Variants in OPCML observed in about 807,000 individuals in gnomAD.
OPCML encodes the protein opioid-binding protein/cell adhesion molecule.
Under a neutral mutation model 37.8 loss-of-function variants are expected in OPCML, and 13 were observed. The observed-to-expected ratio is 0.34, with a 90% CI of 0.22 to 0.55. The LOEUF (loss-of-function observed/expected upper bound fraction) is 0.55, where lower values mean the gene tolerates loss of function less well. Among genes scored for constraint, OPCML ranks in the 20% least tolerant of loss-of-function variants. The pLI, the probability that OPCML is intolerant of heterozygous loss-of-function variation, is 0.91. For missense variants in OPCML, 341 were observed against 435.6 expected (o/e 0.78, Z 1.93); for synonymous variants, 176 against 168.8 (o/e 1.04, Z -0.33).
chr11:133,313,037 C>T (rs1441977462), intron 1 of OPCML, among the ~76,000 whole-genome samples: 1 of 152,134 alleles, frequency 6.6e-6, no homozygotes, highest in African/African-American at 2.4e-5. Flanking sequence ...TAGTGACTTC[C>T]GTGCATGGAC....
chr11:132,584,334 G>A (rs945541002), intron 3 of OPCML, among the ~76,000 whole-genome samples: 24 of 152,058 alleles, frequency 1.6e-4, no homozygotes, highest in Admixed American at 1.4e-3. Context: ...TAGATACAGG[G>A]AAGCCAATCT....
At chr11:132,610,856 A>T (rs777537936) in intron 3 of OPCML, among the ~76,000 whole-genome samples, 16 of 152,160 alleles carry the variant, frequency 1.1e-4, no homozygotes, top group Admixed American at 2.0e-4. Flanking sequence ...AAGCAGTTTG[A>T]TCACTTTGTA....
chr11:132,480,384 T>C (rs2137011946), intron 4 of OPCML, among the ~76,000 whole-genome samples: 1 of 152,332 alleles, frequency 6.6e-6, no homozygotes, highest in South Asian at 2.1e-4. Context: ...AGACCAAATC[T>C]ACGTCTGATT....
intron 4 of OPCML, among the ~76,000 whole-genome samples, chr11:132,489,535 C>A (rs561413493): frequency 3.9e-5 from 6 of 152,256 alleles, no homozygotes; most frequent in East Asian, 3.9e-4. Flanking sequence ...TTGGGCTATA[C>A]CAGTGTCACC....
intron 1 of OPCML, among the ~76,000 whole-genome samples, chr11:133,444,850 A>G (rs1946440135): frequency 6.6e-6 from 1 of 151,648 alleles, no homozygotes; most frequent in Non-Finnish European, 1.5e-5. Context: ...GTGGATGGAG[A>G]CCACCATACC....
intron 2 of OPCML, among the ~76,000 whole-genome samples, chr11:132,920,510 G>A (rs780960393): frequency 1.1e-4 from 17 of 152,158 alleles, no homozygotes; most frequent in Non-Finnish European, 2.5e-4. Context: ...GTCTTGGATC[G>A]CAGCCCCCCT....
intron 1 of OPCML, among the ~76,000 whole-genome samples, chr11:133,182,641 C>T (rs186437501): frequency 6.6e-6 from 1 of 152,262 alleles, no homozygotes; most frequent in East Asian, 1.9e-4. Context: ...CCAACAGTGG[C>T]AATGTCACCT....
intron 1 of OPCML, among the ~76,000 whole-genome samples, chr11:133,372,746 C>T (rs1386648713): frequency 6.6e-6 from 1 of 152,194 alleles, no homozygotes; most frequent in African/African-American, 2.4e-5. Flanking sequence ...TCCCTAAAAG[C>T]TAAATGCCCT....
intron 1 of OPCML, among the ~76,000 whole-genome samples, chr11:133,056,264 T>C (rs1226270848): frequency 6.6e-6 from 1 of 152,190 alleles, no homozygotes; most frequent in Admixed American, 6.5e-5. Context: ...TGTAATTTCA[T>C]AAACTACTGT....
intron 2 of OPCML, among the ~76,000 whole-genome samples, chr11:132,701,762 TTGTGTG>T (rs34453558): frequency 0.022 from 3,173 of 142,704 alleles, 95 homozygotes; most frequent in African/African-American, 0.068. Flanking sequence ...AATTTGATGA[TTGTGTG>T]TGTGTGTGTG....
intron 2 of OPCML, among the ~76,000 whole-genome samples, chr11:132,841,432 G>A (rs528368247): frequency 6.6e-6 from 1 of 152,248 alleles, no homozygotes; most frequent in Non-Finnish European, 1.5e-5. Context: ...GGCCAGGCCT[G>A]CCAAGGCCCA....
chr11:133,077,800 T>G (rs924050159), intron 1 of OPCML, among the ~76,000 whole-genome samples: 5 of 152,108 alleles, frequency 3.3e-5, no homozygotes, highest in African/African-American at 1.2e-4. Flanking sequence ...ACAGACAATT[T>G]AAACATACAA....
At chr11:132,564,618 C>G (rs1344636315) in intron 3 of OPCML, among the ~76,000 whole-genome samples, 1 of 151,932 alleles carries the variant, frequency 6.6e-6, no homozygotes, top group Non-Finnish European at 1.5e-5. Flanking sequence ...GTGTGACAGG[C>G]GCTTAGAAAG....
chr11:133,148,991 G>A (rs1030089888), intron 1 of OPCML, among the ~76,000 whole-genome samples: 1 of 152,142 alleles, frequency 6.6e-6, no homozygotes, highest in African/African-American at 2.4e-5. Flanking sequence ...AGGTAGAGGA[G>A]GAGAGTGGAG....
intron 3 of OPCML, among the ~76,000 whole-genome samples, chr11:132,574,339 A>C (rs2096445483): frequency 6.7e-6 from 1 of 148,580 alleles, no homozygotes; most frequent in Non-Finnish European, 1.5e-5. Context: ...CTAGAGGTGT[A>C]AAATTAAATT....
At chr11:133,486,343 A>G (rs1947525260) in intron 1 of OPCML, among the ~76,000 whole-genome samples, 1 of 152,186 alleles carries the variant, frequency 6.6e-6, no homozygotes, top group Non-Finnish European at 1.5e-5. Context: ...ACTCTGGTGA[A>G]GGTCACCAAT....
At chr11:132,765,093 C>T (rs1946391750) in intron 2 of OPCML, among the ~76,000 whole-genome samples, 1 of 152,144 alleles carries the variant, frequency 6.6e-6, no homozygotes, top group African/African-American at 2.4e-5. Context: ...CAAGAAAGGC[C>T]ACAGGATCTA....
chr11:133,435,888 A>G (rs1946223343), intron 1 of OPCML, among the ~76,000 whole-genome samples: 1 of 152,216 alleles, frequency 6.6e-6, no homozygotes, highest in South Asian at 2.1e-4. Context: ...GCTCTGGCAA[A>G]GGTGTAAGAG....
At chr11:133,203,965 G>T (rs1477904473) in intron 1 of OPCML, among the ~76,000 whole-genome samples, 5 of 149,442 alleles carry the variant, frequency 3.3e-5, no homozygotes, top group Non-Finnish European at 5.9e-5. Flanking sequence ...GGCTGAGGCA[G>T]GAGAATGGCA....
Sources: gnomAD v4.1 joint callset for allele counts (sites outside exome capture counted in the v4.1 genomes callset) on GRCh38, gnomAD v4.1.1 for gene constraint, MANE v1.5 for transcripts, NCBI Gene and HGNC (gene_info 2026-07-23, HGNC 2026-07-21) for gene names.